IQGAP1: variants seen among roughly 807,000 people sequenced by gnomAD.
The protein encoded by IQGAP1 is IQ motif containing GTPase activating protein 1.
In IQGAP1, 66 loss-of-function variants were observed where a neutral mutation model predicts 215.6. The observed-to-expected ratio is 0.31, with a 90% confidence interval of 0.25 to 0.38. The LOEUF (loss-of-function observed/expected upper bound fraction) is 0.38. IQGAP1 is among the 10% of genes least tolerant of loss of function. The pLI is 1.00. For synonymous variants in IQGAP1, 772 were observed against 728.7 expected, an observed-to-expected ratio of 1.06 and a Z score of -0.96; for missense variants, 1,712 against 1,997.1, an observed-to-expected ratio of 0.86 and a Z score of 2.72.
At chr15:90,464,946 C>T (rs748860805) in intron 15 of IQGAP1, among the ~76,000 whole-genome samples, 5 of 152,004 alleles carry the variant, frequency 3.3e-5, no homozygotes, top group Non-Finnish European at 7.4e-5. Flanking sequence ...CACCAATAAG[C>T]GCCTTTAAAA....
rs751644319 is a variant in IQGAP1 at position 90,491,371 on chromosome 15, C to G, written c.4287C>G (p.Ile1429Met). 1 of 1,614,042 alleles carries G rather than the reference C, an allele frequency of 6.2e-7. No homozygotes were observed. The highest frequency in any genetic ancestry group is 1.7e-5 in the Admixed American group (1 of 59,996). ...AGAGAGCCATGCAGAGACGTGCTAT[C>G]CGTGATGCCAAAACACCTGACAAGA... ...EHQRAMQRRA[I>M]RDAKTPDKMK... The change falls in exon 34 of 38, where the codon ATC becomes ATG. Residue 1429 changes from isoleucine to methionine, a missense_variant. Ile to Met is a conservative substitution (Grantham distance 10). Coordinates refer to ENST00000268182, the MANE Select transcript of IQGAP1 (RefSeq NM_003870.4).
Position 90,390,883 on chromosome 15 carries a change from G to C in IQGAP1, c.155+10G>C. On this transcript the variant is annotated intron_variant, in intron 2 of 37. Transcript: ENST00000268182. ...TGGAAGAAGCGAAGAGGTAAAGATTGGCTGGCTGGAGAGAAGATTAAGAGA... is the reference window on the plus strand; with the variant it reads ...TGGAAGAAGCGAAGAGGTAAAGATTCGCTGGCTGGAGAGAAGATTAAGAGA... 6.6e-7 allele frequency: 1 copy of C among 1,525,086 alleles called. No homozygotes were observed. The highest frequency in any genetic ancestry group is 9.1e-7 in the Non-Finnish European group (1 of 1,098,908). The allele number at this position is 1,525,086 out of a possible 1,614,324, so 94.5% of individuals were successfully genotyped here. A position where few individuals can be genotyped will look rare whatever the true frequency, so the allele number is the denominator to read the frequency against.
chr15:90,430,062 A>C (rs963720661), intron 4 of IQGAP1, among the ~76,000 whole-genome samples: 1 of 152,256 alleles, frequency 6.6e-6, no homozygotes, highest in African/African-American at 2.4e-5. Flanking sequence ...GAAATATTTT[A>C]GAAATCTGTA....
intron 18 of IQGAP1, among the ~76,000 whole-genome samples, chr15:90,468,954 A>T (rs1411377484): frequency 6.6e-6 from 1 of 152,186 alleles, no homozygotes; most frequent in Non-Finnish European, 1.5e-5. Context: ...GAAGCTCCCA[A>T]AGAACTTGGT....
chr15:90,479,418 A>G (rs1966024735), intron 26 of IQGAP1, among the ~76,000 whole-genome samples: 1 of 151,910 alleles, frequency 6.6e-6, no homozygotes, highest in African/African-American at 2.4e-5. Context: ...CTGGGTGGAG[A>G]ACGGAACATT....
At chr15:90,450,613 T>C (rs1021286583) in intron 11 of IQGAP1, among the ~76,000 whole-genome samples, 1 of 151,990 alleles carries the variant, frequency 6.6e-6, no homozygotes, top group African/African-American at 2.4e-5. Context: ...CCAGCATTTG[T>C]TATTTTTTGT....
chr15:90,498,366 AAAAG>A lies in IQGAP1; in HGVS notation c.4860+1029_4860+1032del, dbSNP rs1432543350. On this transcript the variant is annotated intron_variant, in intron 37 of 37. Coordinates refer to ENST00000268182, the MANE Select transcript of IQGAP1 (RefSeq NM_003870.4). ...CTAAAGTACTTCCACCAAAAAAAAAAAAAGAATAGGAACCTCTTATTCCCTCAGT... is the reference window on the plus strand; with the variant it reads ...CTAAAGTACTTCCACCAAAAAAAAAAAATAGGAACCTCTTATTCCCTCAGT... Among the ~76,000 whole-genome samples the A allele has an allele frequency of 7.9e-5, 12 of 152,192 alleles. No individual in the cohort carries two copies. In the East Asian group the frequency reaches 2.3e-3, roughly 29 times the overall value.
chr15:90,431,829 G>T (rs1965307877), intron 4 of IQGAP1, among the ~76,000 whole-genome samples: 1 of 152,038 alleles, frequency 6.6e-6, no homozygotes, highest in Non-Finnish European at 1.5e-5. Context: ...TCTTTATATG[G>T]TACATGCTGG....
At chr15:90,401,870 T>G (rs1331647675) in intron 2 of IQGAP1, among the ~76,000 whole-genome samples, 3 of 152,214 alleles carry the variant, frequency 2.0e-5, no homozygotes, top group African/African-American at 7.2e-5. Context: ...ATGATGAAAT[T>G]TACATATTAC....
intron 9 of IQGAP1, among the ~76,000 whole-genome samples, chr15:90,446,722 A>G (rs1468715033): frequency 3.9e-5 from 6 of 152,220 alleles, no homozygotes; most frequent in African/African-American, 1.2e-4. Flanking sequence ...CGAAACAGCA[A>G]TGAGGCCATT....
chr15:90,402,737 A>G (rs1428720523), intron 2 of IQGAP1, among the ~76,000 whole-genome samples: 3 of 152,226 alleles, frequency 2.0e-5, no homozygotes, highest in Admixed American at 1.3e-4. Flanking sequence ...GAATTGAGGA[A>G]TACAAGAGGG....
At position 90,467,581 on chromosome 15, in the gene IQGAP1, G is replaced by A. The variant is rs562641683; in HGVS notation, c.2167G>A (p.Glu723Lys). ...GCAAAATTCTATGCAGCTTTCTCGGGAGGAGATCCAGGTAGGTTACCTTTC... is the reference window on the plus strand; with the variant it reads ...GCAAAATTCTATGCAGCTTTCTCGGAAGGAGATCCAGGTAGGTTACCTTTC... ...FVQNSMQLSR[E>K]EIQSSISGVT... Residue 723 changes from glutamate to lysine, a missense_variant, in exon 18 of 38, where the codon GAG (glutamate) becomes AAG (lysine). By Grantham distance (56) the Glu-to-Lys change is moderately conservative. Transcript: ENST00000268182. The A allele has an allele frequency of 2.5e-6, 4 of 1,610,000 alleles. No individual in the cohort carries two copies. In the South Asian group the frequency reaches 4.4e-5, roughly 18 times the overall value.
At chr15:90,424,247 A>G (rs748921267) in intron 2 of IQGAP1, among the ~76,000 whole-genome samples, 6 of 152,320 alleles carry the variant, frequency 3.9e-5, no homozygotes, top group Admixed American at 6.5e-5. Flanking sequence ...ACAACTGCCA[A>G]TCTTTTCCAC....
Position 90,453,906 on chromosome 15 carries a change from T to C in IQGAP1, c.1488-522T>C, listed in dbSNP as rs938979221. Among the ~76,000 whole-genome samples, 5 of 152,210 alleles carry C rather than the reference T, an allele frequency of 3.3e-5. No homozygotes were observed. In the South Asian group the frequency reaches 1.0e-3, roughly 31 times the overall value. On this transcript the variant is annotated intron_variant, in intron 13 of 37. Coordinates refer to ENST00000268182, the MANE Select transcript of IQGAP1 (RefSeq NM_003870.4). The stretch of plus-strand genomic sequence containing the variant: ...CATATAAAACCCACTTTTCCCACCA[T>C]CCCACCATTAGAGATACTAAGATTG...
chr15:90,476,932 GA>G, intron 24 of IQGAP1, 114 bp downstream of exon 24: 1 of 1,318,438 alleles, frequency 7.6e-7, no homozygotes, highest in Non-Finnish European at 1.1e-6. Flanking sequence ...AGGGGTGAGT[GA>G]GGGGCACTGT....
At chr15:90,445,822 C>A (rs941253836) in intron 9 of IQGAP1, among the ~76,000 whole-genome samples, 3 of 149,936 alleles carry the variant, frequency 2.0e-5, no homozygotes, top group Non-Finnish European at 2.9e-5. Flanking sequence ...AGTTTTAAGT[C>A]CTGACCAGCA....
chr15:90,485,823 A>G (rs1776468518), intron 30 of IQGAP1, among the ~76,000 whole-genome samples: 3 of 151,960 alleles, frequency 2.0e-5, no homozygotes, highest in South Asian at 2.1e-4. Context: ...TTCTTATATC[A>G]TAACATAAGT....
intron 9 of IQGAP1, among the ~76,000 whole-genome samples, chr15:90,443,720 T>G (rs745481905): frequency 3.3e-5 from 5 of 152,196 alleles, no homozygotes; most frequent in Non-Finnish European, 5.9e-5. Context: ...TGGCTACAGT[T>G]TCACTCTTTC....
intron 30 of IQGAP1, among the ~76,000 whole-genome samples, chr15:90,485,780 G>T (rs1425429608): frequency 1.3e-5 from 2 of 152,040 alleles, no homozygotes; most frequent in Non-Finnish European, 2.9e-5. Context: ...ATCCTTTATG[G>T]CCATGAGGTT....
Sources: gnomAD v4.1 joint callset for allele counts (sites outside exome capture counted in the v4.1 genomes callset) on GRCh38, gnomAD v4.1.1 for gene constraint, MANE v1.5 for transcripts, NCBI Gene and HGNC (gene_info 2026-07-23, HGNC 2026-07-21) for gene names.